PRKD1: variants seen among roughly 807,000 people sequenced by gnomAD.
The protein encoded by PRKD1 is serine/threonine-protein kinase D1.
PRKD1 carries 63 observed loss-of-function variants against 95.9 expected under a neutral mutation model. That is an observed-to-expected ratio of 0.66 (90% confidence interval 0.54 to 0.81). The LOEUF (loss-of-function observed/expected upper bound fraction) is 0.81. Among genes scored for constraint, PRKD1 ranks in the 30% least tolerant of loss-of-function variants. PRKD1 has a pLI of 0.00. For missense variants in PRKD1, 1,048 were observed against 1,165.3 expected (o/e 0.90, Z 1.47); for synonymous variants, 425 against 423.1 (o/e 1.00, Z -0.05).
intron 4 of PRKD1, among the ~76,000 whole-genome samples, chr14:29,654,127 A>T (rs1318611717): frequency 6.6e-6 from 1 of 151,992 alleles, no homozygotes; most frequent in Non-Finnish European, 1.5e-5. Flanking sequence ...GATTCTAATA[A>T]TGTTATCTAC....
At chr14:29,810,300 A>G (rs540284739) in intron 1 of PRKD1, among the ~76,000 whole-genome samples, 1 of 152,318 alleles carries the variant, frequency 6.6e-6, no homozygotes, top group Non-Finnish European at 1.5e-5. Context: ...GTTGCCACAA[A>G]CCTTGAATTG....
At chr14:29,880,413 C>T (rs959033398) in intron 1 of PRKD1, among the ~76,000 whole-genome samples, 2 of 152,180 alleles carry the variant, frequency 1.3e-5, no homozygotes, top group Non-Finnish European at 2.9e-5. Flanking sequence ...GCTTTGGGAA[C>T]CTCCGCCTAG....
At chr14:29,758,106 T>C (rs2139479557) in intron 1 of PRKD1, among the ~76,000 whole-genome samples, 1 of 152,134 alleles carries the variant, frequency 6.6e-6, no homozygotes, top group Admixed American at 6.5e-5. Flanking sequence ...CCAGTAATTT[T>C]CTGCCAAAAT....
rs141617039 is a variant in PRKD1 at position 29,587,410 on chromosome 14, T to C, written c.2435-9050A>G. On this transcript the variant is annotated intron_variant, in intron 16 of 17. Coordinates refer to ENST00000331968, the MANE Select transcript of PRKD1 (RefSeq NM_002742.3). ...TTTTTGTTGATCCTCTATTCAGACA[T>C]CTCCACACATAACTCAGGTGTTATA... Among the ~76,000 whole-genome samples, 62 of 152,302 alleles carry C rather than the reference T, an allele frequency of 4.1e-4. No homozygotes were observed. In the East Asian group the frequency reaches 0.011, roughly 26 times the overall value.
intron 1 of PRKD1, among the ~76,000 whole-genome samples, chr14:29,899,632 G>A (rs1284587072): frequency 4.6e-5 from 7 of 152,160 alleles, no homozygotes; most frequent in Non-Finnish European, 1.5e-5. Context: ...GGGTAACAGA[G>A]AGAGATTGTG....
In PRKD1 at chr14:29,647,468, G is replaced by C. The variant is rs182564643; in HGVS notation, c.697-8564C>G. 3.3e-5 allele frequency among the ~76,000 whole-genome samples: 5 copies of C among 152,316 alleles called. No homozygotes were observed. In the East Asian group the frequency reaches 7.7e-4, roughly 23 times the overall value. ...ATTTTGGGACTTTAAGTGTCAGAAA[G>C]TGAAATGGAGGGTAAACACATTATG... On this transcript the variant is annotated intron_variant, in intron 4 of 17. Transcript: ENST00000331968.
At chr14:29,847,885 C>A (rs764637491) in intron 1 of PRKD1, among the ~76,000 whole-genome samples, 2 of 152,022 alleles carry the variant, frequency 1.3e-5, no homozygotes, top group South Asian at 2.1e-4. Context: ...TCTCCCCCCC[C>A]ACCAACCTTT....
At chr14:29,636,661 G>T (rs1433244708) in intron 6 of PRKD1, among the ~76,000 whole-genome samples, 167 bp from the exon 7 acceptor site, 1 of 152,142 alleles carries the variant, frequency 6.6e-6, no homozygotes, top group African/African-American at 2.4e-5. Context: ...AGGAGTATAT[G>T]TGCAGGTTTA....
chr14:29,743,084 A>T (rs1348340679), intron 1 of PRKD1, among the ~76,000 whole-genome samples: 3 of 152,214 alleles, frequency 2.0e-5, no homozygotes, highest in Non-Finnish European at 4.4e-5. Flanking sequence ...AAGGAGTCAG[A>T]GTGAGAAATG....
At chr14:29,587,000 A>G (rs1892956402) in intron 16 of PRKD1, among the ~76,000 whole-genome samples, 1 of 152,202 alleles carries the variant, frequency 6.6e-6, no homozygotes, top group African/African-American at 2.4e-5. Flanking sequence ...TAACGTAGAT[A>G]AAGCAGAGAG....
intron 4 of PRKD1, among the ~76,000 whole-genome samples, chr14:29,646,420 T>C (rs1375271639): frequency 6.6e-6 from 1 of 152,096 alleles, no homozygotes; most frequent in Non-Finnish European, 1.5e-5. Flanking sequence ...GATAAATCCT[T>C]AAAGTGAATG....
intron 1 of PRKD1, among the ~76,000 whole-genome samples, chr14:29,910,193 G>GTGAGACCA (rs1443073941): frequency 1.3e-5 from 2 of 152,158 alleles, no homozygotes; most frequent in Non-Finnish European, 2.9e-5. Context: ...CCTGAGGCCA[G>GTGAGACCA]TGAGACCATG....
At chr14:29,684,254 G>T (rs966008597) in intron 2 of PRKD1, among the ~76,000 whole-genome samples, 2 of 151,096 alleles carry the variant, frequency 1.3e-5, no homozygotes, top group East Asian at 2.0e-4. Context: ...GGGTTCAAGC[G>T]ATTCTCCTAC....
intron 1 of PRKD1, among the ~76,000 whole-genome samples, chr14:29,805,452 G>A (rs1890195057): frequency 6.6e-6 from 1 of 152,298 alleles, no homozygotes; most frequent in East Asian, 1.9e-4. Flanking sequence ...ATATCAATAG[G>A]TGTTGCCAGA....
At chr14:29,714,955 G>A (rs1016978235) in intron 2 of PRKD1, among the ~76,000 whole-genome samples, 12 of 151,948 alleles carry the variant, frequency 7.9e-5, no homozygotes, top group East Asian at 3.9e-4. Context: ...ACCGGGGCCC[G>A]TTGGGGGATG....
At chr14:29,835,243 A>G (rs1891567376) in intron 1 of PRKD1, among the ~76,000 whole-genome samples, 1 of 152,194 alleles carries the variant, frequency 6.6e-6, no homozygotes, top group South Asian at 2.1e-4. Flanking sequence ...TTTGCTTACC[A>G]TCTTGGTTGT....
intron 2 of PRKD1, among the ~76,000 whole-genome samples, chr14:29,668,129 C>T (rs1187151564): frequency 6.6e-6 from 1 of 152,080 alleles, no homozygotes; most frequent in Non-Finnish European, 1.5e-5. Flanking sequence ...CAAAGCACAA[C>T]ATCCATTCAT....
chr14:29,837,191 T>C (rs2139307663), intron 1 of PRKD1, among the ~76,000 whole-genome samples: 1 of 152,242 alleles, frequency 6.6e-6, no homozygotes, highest in South Asian at 2.1e-4. Context: ...TACCCTTCTT[T>C]CTCATAAGGT....
chr14:29,594,244 A>G (rs779713020), intron 16 of PRKD1: 10 of 367,102 alleles, frequency 2.7e-5, no homozygotes, highest in Non-Finnish European at 4.8e-5. Flanking sequence ...TAAGATTGTA[A>G]CTTATAACAT....
Sources: allele counts gnomAD v4.1 joint callset (sites outside exome capture counted in the v4.1 genomes callset), GRCh38; gene constraint gnomAD v4.1.1; transcripts MANE v1.5; gene names NCBI Gene and HGNC (gene_info 2026-07-23, HGNC 2026-07-21).